COL4A6: variants seen among roughly 807,000 people sequenced by gnomAD.
The protein encoded by COL4A6 is collagen alpha-6(IV) chain.
A neutral mutation model predicts 126.7 loss-of-function variants in COL4A6; 59 were observed. That is an observed-to-expected ratio of 0.47 (90% CI 0.38 to 0.58). COL4A6 has a LOEUF of 0.58. Ranked by LOEUF, COL4A6 falls within the 20% of genes least tolerant of loss-of-function variation. The pLI, the probability that COL4A6 is intolerant of heterozygous loss-of-function variation, is 0.00. For missense variants in COL4A6, 1,285 were observed against 1,337.3 expected (o/e 0.96, Z 0.61); for synonymous variants, 547 against 496.6 (o/e 1.10, Z -1.35).
At chrX:108,415,428 A>C (rs1010427370) in intron 2 of COL4A6, among the ~76,000 whole-genome samples, 1 of 112,142 alleles carries the variant, frequency 8.9e-6, no homozygotes, top group Non-Finnish European at 1.9e-5. Flanking sequence ...GAAATGCAGA[A>C]TTATGGGAAG....
intron 2 of COL4A6, among the ~76,000 whole-genome samples, chrX:108,397,602 T>C (rs1386453094): frequency 9.8e-6 from 1 of 101,750 alleles, no homozygotes; most frequent in Non-Finnish European, 2.0e-5. Flanking sequence ...ACAAAAATAT[T>C]AGGCAAAAAG....
At chrX:108,226,220 G>A (rs1028062713) in intron 3 of COL4A6, among the ~76,000 whole-genome samples, 4 of 112,485 alleles carry the variant, frequency 3.6e-5, no homozygotes, top group Non-Finnish European at 7.5e-5. Flanking sequence ...AAAACACCTG[G>A]CAGATAGAAT....
At chrX:108,157,589 C>T (rs1054879608) in intron 44 of COL4A6, among the ~76,000 whole-genome samples, 5 of 111,420 alleles carry the variant, frequency 4.5e-5, no homozygotes, top group African/African-American at 9.8e-5. Context: ...GTGTTAGGTA[C>T]CCCCTTGCAA....
intron 5 of COL4A6, among the ~76,000 whole-genome samples, chrX:108,218,492 A>G (rs1286394245): frequency 8.9e-6 from 1 of 112,569 alleles, no homozygotes; most frequent in Non-Finnish European, 1.9e-5. Flanking sequence ...TACATGCAAC[A>G]GATACGAGGT....
At chrX:108,358,942 G>T (rs771317482) in intron 2 of COL4A6, among the ~76,000 whole-genome samples, 376 of 111,502 alleles carry the variant, frequency 3.4e-3, no homozygotes, top group Admixed American at 5.0e-3. Flanking sequence ...CAGGCATGAG[G>T]GAGAGGGAGT....
At chrX:108,287,907 A>G (rs1305743357) in intron 3 of COL4A6, among the ~76,000 whole-genome samples, 1 of 111,732 alleles carries the variant, frequency 8.9e-6, no homozygotes, top group Admixed American at 9.5e-5. Flanking sequence ...AGCTGGGGTC[A>G]TCATAGGGCT....
At chrX:108,288,447 A>G (rs780108112) in intron 3 of COL4A6, among the ~76,000 whole-genome samples, 1 of 111,643 alleles carries the variant, frequency 9.0e-6, no homozygotes, top group African/African-American at 3.3e-5. Context: ...AATTTATTCA[A>G]TAACCTTTTT....
At chrX:108,248,360 A>G (rs754547711) in intron 3 of COL4A6, among the ~76,000 whole-genome samples, 2 of 111,131 alleles carry the variant, frequency 1.8e-5, no homozygotes, top group Admixed American at 1.9e-4. Context: ...GTCTGAAGCT[A>G]TTTTTTCTAC....
intron 3 of COL4A6, among the ~76,000 whole-genome samples, chrX:108,307,758 G>A (rs1700447136): frequency 9.0e-6 from 1 of 111,635 alleles, no homozygotes; most frequent in Admixed American, 9.5e-5. Context: ...TCTGACATCT[G>A]CACACAAGGG....
At chrX:108,298,423 C>T (rs777636963) in intron 3 of COL4A6, among the ~76,000 whole-genome samples, 2 of 112,161 alleles carry the variant, frequency 1.8e-5, no homozygotes, top group South Asian at 3.8e-4. Flanking sequence ...GAATTTCTGT[C>T]GCTTCTGCTC....
At chrX:108,272,599 C>T (rs1270046149) in intron 3 of COL4A6, among the ~76,000 whole-genome samples, 1 of 111,168 alleles carries the variant, frequency 9.0e-6, no homozygotes, top group East Asian at 2.8e-4. Context: ...AATCAACCAA[C>T]AAAACAAACA....
chrX:108,181,208 T>A (rs2034676832), intron 23 of COL4A6, among the ~76,000 whole-genome samples: 1 of 112,329 alleles, frequency 8.9e-6, no homozygotes. Flanking sequence ...ATCAAACCAC[T>A]GATGCCCAGT....
At chrX:108,289,545 TGTTTTTGTTTTC>T (rs1385365907) in intron 3 of COL4A6, among the ~76,000 whole-genome samples, 5 of 111,258 alleles carry the variant, frequency 4.5e-5, no homozygotes, top group African/African-American at 9.8e-5. Flanking sequence ...TTTTTGTTTT[TGTTTTTGTTTTC>T]GTTTTAAAAA....
intron 44 of COL4A6, among the ~76,000 whole-genome samples, chrX:108,158,956 G>C (rs1299835586): frequency 8.9e-6 from 1 of 112,469 alleles, no homozygotes; most frequent in Admixed American, 9.3e-5. Flanking sequence ...CACCGAAATG[G>C]AGAGGCAGCA....
intron 2 of COL4A6, among the ~76,000 whole-genome samples, chrX:108,408,204 C>T (rs1000750599): frequency 2.7e-4 from 30 of 110,913 alleles, no homozygotes; most frequent in Admixed American, 1.9e-4. Flanking sequence ...CCCGGCTACT[C>T]GGGAGGGAGG....
chrX:108,280,144 A>C (rs1202756636), intron 3 of COL4A6, among the ~76,000 whole-genome samples: 2 of 111,765 alleles, frequency 1.8e-5, no homozygotes, highest in Non-Finnish European at 3.8e-5. Flanking sequence ...AACTAAAATC[A>C]GAGCAGAAAT....
At chrX:108,255,061 C>T (rs1267135840) in intron 3 of COL4A6, among the ~76,000 whole-genome samples, 1 of 108,393 alleles carries the variant, frequency 9.2e-6, no homozygotes, top group Non-Finnish European at 1.9e-5. Context: ...TCTAGATCTG[C>T]CAGGAAAGCT....
intron 2 of COL4A6, among the ~76,000 whole-genome samples, chrX:108,372,085 G>A (rs999865023): frequency 6.3e-5 from 7 of 110,985 alleles, no homozygotes; most frequent in African/African-American, 2.0e-4. Context: ...TGGTTAAAGC[G>A]CTTTTCAAGT....
Position 108,170,732 on chromosome X carries a change from A to C in COL4A6, c.3386-16T>G. The C allele has an allele frequency of 8.3e-7, 1 of 1,202,948 alleles. No individual in the cohort carries two copies. The highest frequency in any genetic ancestry group is 1.1e-6 in the Non-Finnish European group (1 of 888,844). On this transcript the variant is annotated splice_polypyrimidine_tract_variant and intron_variant, in intron 34 of 44. Transcript: ENST00000334504. ...CCTGGAAATCCTAAATGTGAAACCA[A>C]GGCAGAGGTTCAGAATGGGGCATGG... is the stretch of plus-strand genomic sequence containing the variant.
Sources: allele counts gnomAD v4.1 joint callset (sites outside exome capture counted in the v4.1 genomes callset), GRCh38; gene constraint gnomAD v4.1.1; transcripts MANE v1.5; gene names NCBI Gene and HGNC (gene_info 2026-07-23, HGNC 2026-07-21).